The following EIF4E3 variants were observed in gnomAD, a reference collection of about 807,000 sequenced individuals.
EIF4E3 encodes the protein eukaryotic translation initiation factor 4E type 3.
A neutral mutation model predicts 31.7 loss-of-function variants in EIF4E3; 26 were observed. That is an observed-to-expected ratio of 0.82 (90% CI 0.60 to 1.14). The LOEUF is 1.14. EIF4E3 is among the 50% of genes most tolerant of loss of function. The pLI is 0.00. For missense variants in EIF4E3, 304 were observed against 270.9 expected (o/e 1.12, Z -0.86); for synonymous variants, 128 against 107.7 (o/e 1.19, Z -1.17).
chr3:71,710,163 C>T (rs2049354092), intron 2 of EIF4E3, among the ~76,000 whole-genome samples: 1 of 152,164 alleles, frequency 6.6e-6, no homozygotes, highest in African/African-American at 2.4e-5. Context: ...TTGTGCGGGT[C>T]TATGAAAGGT....
At chr3:71,702,127 A>G (rs145607503) in intron 2 of EIF4E3, among the ~76,000 whole-genome samples, 118 of 151,946 alleles carry the variant, frequency 7.8e-4, no homozygotes, top group Non-Finnish European at 1.4e-3. Context: ...TCTTTCTCCA[A>G]TCTTAGCAGC....
intron 1 of EIF4E3, among the ~76,000 whole-genome samples, chr3:71,714,709 G>T (rs1033606156): frequency 6.6e-6 from 1 of 152,174 alleles, no homozygotes; most frequent in Non-Finnish European, 1.5e-5. Context: ...TAAATGATCT[G>T]CCCTGTAAAC....
At chr3:71,673,287 T>C (rs1195374561), downstream of EIF4E3, among the ~76,000 whole-genome samples, 1 of 152,150 alleles carries the variant, frequency 6.6e-6, no homozygotes, top group East Asian at 1.9e-4. Flanking sequence ...AGTATAAGGA[T>C]CCCCATATTT....
At chr3:71,670,154 G>A in the EIF4E3 span, among the ~76,000 whole-genome samples, 1 of 152,170 alleles carries the variant, frequency 6.6e-6, no homozygotes, top group African/African-American at 2.4e-5. Flanking sequence ...GGGGGCTCTG[G>A]TAGATTTTAC....
In EIF4E3 at chr3:71,684,856, T is replaced by C. The variant is rs149660263; in HGVS notation, c.629-128A>G. The C allele has an allele frequency of 7.2e-6, 6 of 829,228 alleles. No individual in the cohort carries two copies. In the Admixed American group the frequency reaches 8.7e-5, roughly 12 times the overall value. The allele number at this position is 829,228 out of a possible 1,614,324, so 51.4% of individuals were successfully genotyped here. ...TTGGCAAGAACTCAAACACCTTATT[T>C]ATTTATTTATTTTTTTGCCAGTAAC... On this transcript the variant is annotated intron_variant, in intron 6 of 6. Transcript: ENST00000425534.
chr3:71,752,508 T>C (rs1049074176), intron 1 of EIF4E3, among the ~76,000 whole-genome samples: 2 of 152,138 alleles, frequency 1.3e-5, no homozygotes, highest in African/African-American at 4.8e-5. Flanking sequence ...TCAAGGTGCC[T>C]GCCTTGCATG....
intron 1 of EIF4E3, among the ~76,000 whole-genome samples, chr3:71,721,213 G>A (rs1025134078): frequency 6.6e-6 from 1 of 152,160 alleles, no homozygotes; most frequent in African/African-American, 2.4e-5. Flanking sequence ...AGTCACTGCG[G>A]GTAGAATTCA....
chr3:71,748,462 C>G (rs73837587), intron 1 of EIF4E3, among the ~76,000 whole-genome samples: 153 of 152,012 alleles, frequency 1.0e-3, no homozygotes, highest in African/African-American at 3.6e-3. Flanking sequence ...TATAGGGAGT[C>G]CCTGGAGATG....
chr3:71,660,470 A>T, the EIF4E3 span, among the ~76,000 whole-genome samples: 1 of 152,184 alleles, frequency 6.6e-6, no homozygotes, highest in Admixed American at 6.5e-5. Context: ...TGTAAAAGAG[A>T]ACATCTTGCC....
chr3:71,717,248 A>G (rs924891321), intron 1 of EIF4E3, among the ~76,000 whole-genome samples: 19 of 152,230 alleles, frequency 1.2e-4, no homozygotes, highest in Admixed American at 5.9e-4. Context: ...TGTGATTTGC[A>G]TGTACATTAG....
downstream of EIF4E3, among the ~76,000 whole-genome samples, chr3:71,674,776 C>T (rs1269796400): frequency 1.3e-5 from 2 of 152,212 alleles, no homozygotes; most frequent in African/African-American, 4.8e-5. Flanking sequence ...CATTTACTAA[C>T]TCTTTACCAC....
downstream of EIF4E3, among the ~76,000 whole-genome samples, chr3:71,672,084 T>C (rs1346679946): frequency 6.6e-6 from 1 of 152,194 alleles, no homozygotes; most frequent in Admixed American, 6.5e-5. Context: ...AGTTGCATTT[T>C]GAAGCCATTA....
intron 2 of EIF4E3, among the ~76,000 whole-genome samples, chr3:71,708,395 T>C (rs1271184865): frequency 6.6e-6 from 1 of 152,168 alleles, no homozygotes; most frequent in Non-Finnish European, 1.5e-5. Context: ...GTGATGGTTG[T>C]ATGTGCGTAC....
the EIF4E3 span, among the ~76,000 whole-genome samples, chr3:71,661,849 T>C: frequency 1.3e-5 from 2 of 152,158 alleles, no homozygotes; most frequent in South Asian, 2.1e-4. Flanking sequence ...GAGTCTGGCA[T>C]TGAGTAGGTG....
the EIF4E3 span, among the ~76,000 whole-genome samples, chr3:71,663,069 G>A: frequency 1.3e-5 from 2 of 152,084 alleles, no homozygotes; most frequent in Non-Finnish European, 2.9e-5. Context: ...TGAATAGAAA[G>A]CATTATATTA....
chr3:71,715,406 C>G (rs935714068), intron 1 of EIF4E3, among the ~76,000 whole-genome samples: 3 of 152,210 alleles, frequency 2.0e-5, no homozygotes, highest in African/African-American at 7.2e-5. Flanking sequence ...TGTTTTAGAA[C>G]CAGCATCCCT....
the EIF4E3 span, among the ~76,000 whole-genome samples, chr3:71,665,552 C>T: frequency 2.0e-5 from 3 of 152,186 alleles, no homozygotes; most frequent in Non-Finnish European, 4.4e-5. Context: ...ACATGAAAGT[C>T]TGTCACTGTA....
chr3:71,687,284 G>C (rs2049005416), intron 6 of EIF4E3, among the ~76,000 whole-genome samples: 2 of 152,192 alleles, frequency 1.3e-5, no homozygotes, highest in South Asian at 4.1e-4. Context: ...TTACAGGCGT[G>C]AGCCACCATG....
intron 1 of EIF4E3, among the ~76,000 whole-genome samples, chr3:71,752,110 A>T (rs540182066): frequency 9.2e-5 from 14 of 152,236 alleles, no homozygotes; most frequent in East Asian, 3.9e-4. Context: ...TTAGATTTTT[A>T]AAAAAATATC....
Sources: gnomAD v4.1 joint callset for allele counts (sites outside exome capture counted in the v4.1 genomes callset) on GRCh38, gnomAD v4.1.1 for gene constraint, MANE v1.5 for transcripts, NCBI Gene and HGNC (gene_info 2026-07-23, HGNC 2026-07-21) for gene names.